Variants in APPL1 observed in about 807,000 individuals in gnomAD.
The protein encoded by APPL1 is adaptor protein, phosphotyrosine interacting with PH domain and leucine zipper 1.
APPL1 carries 42 observed loss-of-function variants against 106.8 expected under a neutral mutation model. The observed-to-expected ratio is 0.39, with a 90% CI of 0.31 to 0.51. APPL1 has a LOEUF of 0.51. Ranked by LOEUF, APPL1 falls within the 20% of genes least tolerant of loss-of-function variation. The pLI is 0.75. For missense variants in APPL1, 769 were observed against 858.2 expected (o/e 0.90, Z 1.30); for synonymous variants, 263 against 281.8 (o/e 0.93, Z 0.67).
At chr3:57,254,910 C>T (rs899127329) in intron 13 of APPL1, among the ~76,000 whole-genome samples, 3 of 152,222 alleles carry the variant, frequency 2.0e-5, no homozygotes, top group Admixed American at 6.5e-5. Context: ...CAGGCGTGAG[C>T]CACCACGCCC....
At chr3:57,260,253 A>G in intron 18 of APPL1, 100 bp downstream of exon 18, 2 of 1,297,314 alleles carry the variant, frequency 1.5e-6, no homozygotes, top group Non-Finnish European at 2.1e-6. Flanking sequence ...CAAGTGTGAT[A>G]GTATCAGCTA....
At chr3:57,234,293 A>G (rs1335962196) in intron 1 of APPL1, among the ~76,000 whole-genome samples, 1 of 137,248 alleles carries the variant, frequency 7.3e-6, no homozygotes, top group Non-Finnish European at 1.5e-5. Context: ...TTTTATTGAC[A>G]TTCTTTTTTT....
chr3:57,259,030 G>T lies in APPL1; in HGVS notation c.1433G>T (p.Arg478Leu). Residue 478 changes from arginine to leucine, a missense_variant and splice_region_variant, in exon 16 of 22, where the codon CGT becomes CTT. By Grantham distance (102) the Arg-to-Leu change is moderately radical. Transcript: ENST00000288266. The part of the protein sequence containing the change: ...QAKAFGQGGR[R>L]TNPFGESGGS... ...ATATTTTCTTCTAAACTTTTTAGGC[G>T]TACAAATCCATTTGGAGAATCTGGA... is the stretch of plus-strand genomic sequence containing the variant. The T allele has an allele frequency of 6.2e-7, 1 of 1,611,358 alleles. No individual in the cohort carries two copies. The highest frequency in any genetic ancestry group is 2.2e-5 in the East Asian group (1 of 44,706).
chr3:57,239,110 T>C (rs548212851), intron 4 of APPL1, among the ~76,000 whole-genome samples: 1 of 152,268 alleles, frequency 6.6e-6, no homozygotes, highest in Non-Finnish European at 1.5e-5. Flanking sequence ...GGGAACCTCT[T>C]AGAAAATCAT....
At chr3:57,254,383 G>T (rs1252874162) in intron 13 of APPL1, among the ~76,000 whole-genome samples, 1 of 152,182 alleles carries the variant, frequency 6.6e-6, no homozygotes, top group East Asian at 1.9e-4. Flanking sequence ...AAAACTTTAA[G>T]TAACATTTCA....
Position 57,251,938 on chromosome 3 carries a change from T to TTG in APPL1, c.1053-330_1053-329insGT, listed in dbSNP as rs548240326. ...GATGTATATTTGAAATATATATGAG[T>TTG]TCATAATATATATGAAATATATATG... On this transcript the variant is annotated intron_variant, in intron 11 of 21. Transcript: ENST00000288266. Among the ~76,000 whole-genome samples the TTG allele has an allele frequency of 2.6e-5, 4 of 152,280 alleles. No homozygotes were observed. In the South Asian group the frequency reaches 6.2e-4, roughly 24 times the overall value.
intron 14 of APPL1, 72 bp from the exon 15 acceptor site, chr3:57,257,174 T>A: frequency 6.4e-7 from 1 of 1,563,908 alleles, no homozygotes; most frequent in Non-Finnish European, 8.7e-7. Context: ...TGTTTTCTTT[T>A]TTCATAGTTT....
At chr3:57,268,972 G>C (rs1331350021) in intron 21 of APPL1, 1 of 152,948 alleles carries the variant, frequency 6.5e-6, no homozygotes, top group Non-Finnish European at 1.5e-5. Context: ...CCATGAAATT[G>C]TAAGAGCGTG....
intron 1 of APPL1, among the ~76,000 whole-genome samples, chr3:57,232,592 C>A (rs1191177929): frequency 3.9e-5 from 6 of 152,086 alleles, no homozygotes; most frequent in African/African-American, 9.7e-5. Context: ...GTATCAGTTT[C>A]TTGGAAGAAA....
intron 4 of APPL1, among the ~76,000 whole-genome samples, 184 bp from the exon 5 acceptor site, chr3:57,240,281 T>G (rs1411024662): frequency 6.6e-6 from 1 of 152,190 alleles, no homozygotes; most frequent in Non-Finnish European, 1.5e-5. Context: ...ATTCTGTGTT[T>G]TCTAAGAGTT....
intron 8 of APPL1, 100 bp downstream of exon 8, chr3:57,246,322 A>G: frequency 1.2e-6 from 1 of 842,998 alleles, no homozygotes; most frequent in Non-Finnish European, 1.7e-6. Context: ...TATTTTCAAC[A>G]TCCTTGTTTA....
intron 1 of APPL1, among the ~76,000 whole-genome samples, chr3:57,233,011 C>CA (rs1166351097): frequency 2.0e-5 from 3 of 151,264 alleles, no homozygotes; most frequent in Admixed American, 2.0e-4. Context: ...CAAAAAAAAC[C>CA]AAAAAACAAA....
At position 57,260,039 on chromosome 3, in the gene APPL1, A is replaced by G; in HGVS notation, c.1658+20A>G. The G allele has an allele frequency of 6.2e-7, 1 of 1,608,580 alleles. No individual in the cohort carries two copies. The highest frequency in any genetic ancestry group is 8.5e-7 in the Non-Finnish European group (1 of 1,178,806). ...TTTAAAGTAAGTAAAACCCTCCCTT[A>G]AAAAACTGTAGAAAAAACATTTACA... On this transcript the variant is annotated intron_variant, in intron 17 of 21. Coordinates refer to ENST00000288266, the MANE Select transcript of APPL1 (RefSeq NM_012096.3).
chr3:57,233,780 GA>G (rs1454286479), intron 1 of APPL1, among the ~76,000 whole-genome samples: 6 of 151,704 alleles, frequency 4.0e-5, no homozygotes, highest in African/African-American at 9.7e-5. Context: ...GTTGATTTAA[GA>G]AAAAAAAATT....
chr3:57,262,253 T>TTAAGTCCCA (rs2060870223), intron 19 of APPL1, among the ~76,000 whole-genome samples: 1 of 152,060 alleles, frequency 6.6e-6, no homozygotes, highest in Non-Finnish European at 1.5e-5. Context: ...ACTTTTTAGT[T>TTAAGTCCCA]TAAGTCCCAT....
intron 20 of APPL1, 168 bp downstream of exon 20, chr3:57,267,960 C>T (rs910375717): frequency 4.3e-5 from 29 of 672,422 alleles, no homozygotes; most frequent in African/African-American, 3.4e-4. Flanking sequence ...GGTGTGGTGT[C>T]GTGCACCTGT....
intron 4 of APPL1, among the ~76,000 whole-genome samples, chr3:57,240,257 C>A (rs575589559): frequency 3.4e-4 from 51 of 151,250 alleles, no homozygotes; most frequent in South Asian, 6.3e-4. Flanking sequence ...GAAAGTGTTA[C>A]CAAATCCAAG....
intron 4 of APPL1, among the ~76,000 whole-genome samples, chr3:57,239,972 A>G (rs1165076624): frequency 6.6e-6 from 1 of 152,128 alleles, no homozygotes; most frequent in Admixed American, 6.6e-5. Context: ...GCACCTTTTC[A>G]TGTGCTTATT....
chr3:57,260,054 AAAC>A (rs772792288), intron 17 of APPL1, 35 bp downstream of exon 17: 1 of 1,607,990 alleles, frequency 6.2e-7, no homozygotes, highest in South Asian at 1.1e-5. Flanking sequence ...ACTGTAGAAA[AAAC>A]ATTTACATGA....
Sources: gnomAD v4.1 joint callset for allele counts (sites outside exome capture counted in the v4.1 genomes callset) on GRCh38, gnomAD v4.1.1 for gene constraint, MANE v1.5 for transcripts, NCBI Gene and HGNC (gene_info 2026-07-23, HGNC 2026-07-21) for gene names.